Variants in MALRD1 observed in about 807,000 individuals in gnomAD.
MALRD1 encodes the protein MAM and LDL receptor class A domain containing 1, also known as MAM and LDL-receptor class A domain-containing protein 1.
MALRD1 carries 247 observed loss-of-function variants against 242.1 expected under a neutral mutation model. The observed-to-expected ratio is 1.02, with a 90% CI of 0.92 to 1.13. The LOEUF is 1.13. MALRD1 is among the 50% of genes most tolerant of loss of function. The pLI, the probability that MALRD1 is intolerant of heterozygous loss-of-function variation, is 0.00. For synonymous variants in MALRD1, 995 were observed against 866.6 expected, an observed-to-expected ratio of 1.15 and a Z score of -2.60; for missense variants, 2,989 against 2,533.1, an observed-to-expected ratio of 1.18 and a Z score of -3.86.
At chr10:19,078,534 CTTATAGAAT>C (rs1835388402) in intron 2 of MALRD1, among the ~76,000 whole-genome samples, 2 of 151,776 alleles carry the variant, frequency 1.3e-5, no homozygotes, top group African/African-American at 2.4e-5. Flanking sequence ...TAATCGTGGC[CTTATAGAAT>C]GAGTTGGGAA....
At chr10:19,592,638 A>T (rs1201872184) in intron 33 of MALRD1, among the ~76,000 whole-genome samples, 1 of 152,170 alleles carries the variant, frequency 6.6e-6, no homozygotes, top group Non-Finnish European at 1.5e-5. Flanking sequence ...AGTGCCATTC[A>T]GTAAAAAAAA....
Position 19,153,621 on chromosome 10 carries a change from C to T in MALRD1, c.1559-1454C>T, listed in dbSNP as rs549194973. Among the ~76,000 whole-genome samples the T allele has an allele frequency of 1.3e-4, 19 of 151,884 alleles. No individual in the cohort carries two copies. In the South Asian group the frequency reaches 3.7e-3, roughly 30 times the overall value. On this transcript the variant is annotated intron_variant, in intron 11 of 39. Coordinates refer to ENST00000454679, the MANE Select transcript of MALRD1 (RefSeq NM_001142308.3). ...GGAGGATTGTTTGAACCCAGGAGTTCCAGGCAGCAGTGAGCCATAATCATG... is the reference window on the plus strand; with the variant it reads ...GGAGGATTGTTTGAACCCAGGAGTTTCAGGCAGCAGTGAGCCATAATCATG...
intron 21 of MALRD1, among the ~76,000 whole-genome samples, chr10:19,320,041 C>CTTTTTTTTTTTTTTTTTTTT (rs34481531): frequency 1.4e-5 from 1 of 73,070 alleles, no homozygotes; most frequent in Non-Finnish European, 2.4e-5. Context: ...TATAAAACTG[C>CTTTTTTTTTTTTTTTTTTTT]TTTTTTTTTT....
At chr10:19,466,021 A>G (rs11814824) in intron 29 of MALRD1, among the ~76,000 whole-genome samples, 8,541 of 152,236 alleles carry the variant, frequency 0.056, 772 homozygotes, top group African/African-American at 0.2. Context: ...TTCCTAATCA[A>G]GCAGATGAAA....
intron 29 of MALRD1, among the ~76,000 whole-genome samples, chr10:19,457,035 C>T (rs1032816623): frequency 2.6e-5 from 4 of 152,130 alleles, no homozygotes; most frequent in Non-Finnish European, 5.9e-5. Flanking sequence ...TACAATAATT[C>T]TTCATGGTAA....
At chr10:19,582,675 C>A (rs1322282488) in intron 33 of MALRD1, among the ~76,000 whole-genome samples, 1 of 129,702 alleles carries the variant, frequency 7.7e-6, no homozygotes, top group Admixed American at 8.0e-5. Flanking sequence ...CAGCTTTGTT[C>A]TTTTGGCTCA....
chr10:19,096,319 A>C (rs4748552), intron 4 of MALRD1, among the ~76,000 whole-genome samples: 64,245 of 152,050 alleles, frequency 0.42, 13,892 homozygotes, highest in Middle Eastern at 0.51. Context: ...TAGCTGAGAC[A>C]GCAAGGTTAT....
chr10:19,513,139 C>G (rs1055657394), intron 31 of MALRD1, among the ~76,000 whole-genome samples: 5 of 151,968 alleles, frequency 3.3e-5, no homozygotes, highest in Admixed American at 2.0e-4. Context: ...AAGGTAATCC[C>G]CAGTGTTGGA....
intron 5 of MALRD1, among the ~76,000 whole-genome samples, chr10:19,106,991 A>G (rs1222395943): frequency 6.6e-6 from 1 of 152,030 alleles, no homozygotes; most frequent in Non-Finnish European, 1.5e-5. Context: ...GCTGGAAAAG[A>G]TAATTACTAT....
At chr10:19,094,840 A>G (rs1245784522) in intron 4 of MALRD1, among the ~76,000 whole-genome samples, 2 of 152,188 alleles carry the variant, frequency 1.3e-5, no homozygotes, top group African/African-American at 2.4e-5. Flanking sequence ...TAAAACACAA[A>G]CTTATTTATG....
chr10:19,160,271 T>C lies in MALRD1; in HGVS notation c.1656+5099T>C, dbSNP rs1189945255. 4.0e-5 allele frequency among the ~76,000 whole-genome samples: 6 copies of C among 149,368 alleles called. No individual in the cohort carries two copies. In the East Asian group the frequency reaches 1.2e-3, roughly 30 times the overall value. ...TTATATGCTGGATTACATTTATTGA[T>C]TTGCGTATATTGAACCAGCCTTGCA... On this transcript the variant is annotated intron_variant, in intron 12 of 39. Transcript: ENST00000454679.
At chr10:19,685,860 A>G (rs1326969) in intron 36 of MALRD1, among the ~76,000 whole-genome samples, 17,059 of 152,138 alleles carry the variant, frequency 0.11, 1,638 homozygotes, top group African/African-American at 0.26. Flanking sequence ...ATCCATGTCT[A>G]TCTGTGAACC....
intron 21 of MALRD1, among the ~76,000 whole-genome samples, chr10:19,292,075 C>T (rs1046777994): frequency 2.0e-4 from 22 of 109,312 alleles, no homozygotes; most frequent in Admixed American, 7.3e-4. Context: ...AGAGCAAGAC[C>T]GTCTCAAAAA....
intron 29 of MALRD1, chr10:19,489,544 C>T: frequency 1.6e-6 from 1 of 606,658 alleles, no homozygotes; most frequent in South Asian, 1.5e-5. Flanking sequence ...AATCCCATCT[C>T]ATCCTATTTT....
In MALRD1 at chr10:19,595,180, G is replaced by A. The variant is rs902626454; in HGVS notation, c.5681-14G>A. 5 of 1,541,162 alleles carry A rather than the reference G, an allele frequency of 3.2e-6. No homozygotes were observed. The highest frequency in any genetic ancestry group is 4.4e-6 in the Non-Finnish European group (5 of 1,140,528). On this transcript the variant is annotated splice_polypyrimidine_tract_variant and intron_variant, in intron 33 of 39. Transcript: ENST00000454679. ...CCCTAATGCCAAAATAACTTGACTT[G>A]CTCTCTTTTTTAGGTCCTGTCCCAG...
intron 23 of MALRD1, among the ~76,000 whole-genome samples, chr10:19,329,107 A>G (rs10827279): frequency 0.64 from 97,387 of 152,186 alleles, 31,555 homozygotes; most frequent in African/African-American, 0.73. Context: ...AGATTAAAAA[A>G]GAGTATACCC....
At chr10:19,586,300 C>T (rs1386837099) in intron 33 of MALRD1, among the ~76,000 whole-genome samples, 2 of 152,164 alleles carry the variant, frequency 1.3e-5, no homozygotes, top group East Asian at 1.9e-4. Context: ...AGGAGAGGTG[C>T]TCTGCTTTTT....
chr10:19,430,250 G>A (rs188714507), intron 28 of MALRD1, among the ~76,000 whole-genome samples: 30 of 149,774 alleles, frequency 2.0e-4, no homozygotes, highest in African/African-American at 7.1e-4. Context: ...AAGTAGCTGG[G>A]ACTACAGGCA....
chr10:19,528,200 C>T (rs897980935), intron 31 of MALRD1, among the ~76,000 whole-genome samples: 1 of 152,144 alleles, frequency 6.6e-6, no homozygotes, highest in Non-Finnish European at 1.5e-5. Flanking sequence ...AAACAGCTTA[C>T]CAATGCTACA....
Sources: gnomAD v4.1 joint callset for allele counts (sites outside exome capture counted in the v4.1 genomes callset) on GRCh38, gnomAD v4.1.1 for gene constraint, MANE v1.5 for transcripts, NCBI Gene and HGNC (gene_info 2026-07-23, HGNC 2026-07-21) for gene names.